PGM2L1: variants seen among roughly 807,000 people sequenced by gnomAD.
PGM2L1 encodes the protein phosphoglucomutase 2 like 1, also known as glucose 1,6-bisphosphate synthase.
Under a neutral mutation model 73.4 loss-of-function variants are expected in PGM2L1, and 35 were observed. The observed-to-expected ratio is 0.48, with a 90% CI of 0.36 to 0.63. PGM2L1 has a LOEUF of 0.63. PGM2L1 is among the 30% of genes least tolerant of loss of function. PGM2L1 has a pLI of 0.00. For synonymous variants in PGM2L1, 225 were observed against 253.8 expected (o/e 0.89, Z 1.08); for missense variants, 570 against 742.0 (o/e 0.77, Z 2.69).
Position 74,358,950 on chromosome 11 carries a change from A to G in PGM2L1, c.556-7374T>C, listed in dbSNP as rs141811926. Among the ~76,000 whole-genome samples, 912 of 152,320 alleles carry G rather than the reference A, an allele frequency of 6.0e-3. 11 individuals are homozygous for G. Among genetic ancestry groups the G allele is most frequent in the African/African-American group, 0.021 (862 of 41,570 alleles). On this transcript the variant is annotated intron_variant, in intron 5 of 13. Transcript: ENST00000298198. Reference sequence around the variant, plus strand: ...CCACCTCTAAAAATCTATCCTATAGATCAGCAGTGCCCAAAAGAAGTATGT... The same window carrying G: ...CCACCTCTAAAAATCTATCCTATAGGTCAGCAGTGCCCAAAAGAAGTATGT...
Position 74,370,977 on chromosome 11 carries a change from T to A in PGM2L1, c.396A>T (p.Lys132Asn), listed in dbSNP as rs1392956216. The A allele has an allele frequency of 6.2e-7, 1 of 1,612,782 alleles. No individual in the cohort carries two copies. The highest frequency in any genetic ancestry group is 1.1e-5 in the South Asian group (1 of 91,036). The change falls in exon 4 of 14, where the codon AAA becomes AAT. Residue 132 changes from lysine to asparagine, a missense_variant. Transcript: ENST00000298198. Reference sequence around the variant, plus strand: ...TGGCCAGCAAGACTGCAGCAGTGAGTTTAGCAAGCCTAAAAAAAGAGAGAT... The same window carrying A: ...TGGCCAGCAAGACTGCAGCAGTGAGATTAGCAAGCCTAAAAAAAGAGAGAT... ...TSSCSSQRLAKLTAAVLLAKD... is the reference protein window; with the variant it reads ...TSSCSSQRLANLTAAVLLAKD...
At chr11:74,374,699 C>G in intron 1 of PGM2L1, 117 bp from the exon 2 acceptor site, 2 of 842,072 alleles carry the variant, frequency 2.4e-6, no homozygotes, top group East Asian at 2.7e-5. Flanking sequence ...ATAAATTCCA[C>G]AGTGCTACTT....
At chr11:74,367,446 A>G (rs1862678360) in intron 5 of PGM2L1, among the ~76,000 whole-genome samples, 1 of 152,126 alleles carries the variant, frequency 6.6e-6, no homozygotes, top group South Asian at 2.1e-4. Context: ...GGTAGAGGAT[A>G]TGATATGGGC....
At chr11:74,372,492 A>G (rs748213308) in intron 2 of PGM2L1, among the ~76,000 whole-genome samples, 15 of 152,200 alleles carry the variant, frequency 9.9e-5, no homozygotes, top group Non-Finnish European at 1.6e-4. Context: ...ATTTAACTTT[A>G]ATAAATACTT....
At chr11:74,371,413 A>C (rs1409423618) in intron 3 of PGM2L1, among the ~76,000 whole-genome samples, 2 of 152,230 alleles carry the variant, frequency 1.3e-5, no homozygotes, top group Non-Finnish European at 2.9e-5. Flanking sequence ...TATAATGAGA[A>C]TATAAGCTAC....
intron 4 of PGM2L1, among the ~76,000 whole-genome samples, chr11:74,368,963 C>T (rs1177429328): frequency 6.6e-6 from 1 of 152,084 alleles, no homozygotes; most frequent in Non-Finnish European, 1.5e-5. Flanking sequence ...CCTTGCTTTG[C>T]TCAGTTCCTA....
At chr11:74,338,313 GA>G in intron 13 of PGM2L1, among the ~76,000 whole-genome samples, 154 bp downstream of exon 13, 1 of 152,150 alleles carries the variant, frequency 6.6e-6, no homozygotes. Flanking sequence ...TGGGGGTGAT[GA>G]AAATGTTCTA....
Position 74,343,348 on chromosome 11 carries a change from G to A in PGM2L1, c.1287C>T (p.Val429=), listed in dbSNP as rs547266086. 541 of 1,607,926 alleles carry A rather than the reference G, an allele frequency of 3.4e-4. 11 individuals carry two copies. In the South Asian group the frequency reaches 5.8e-3, roughly 17 times the overall value. ...CAATAGACTCTTCAAATGCAAAAAG[G>A]ACTTCTTTCCCATTTTCCAGGAGGT... is the stretch of plus-strand genomic sequence containing the variant. ...IIDLLENGKE[V]LFAFEESIGF... is the part of the protein sequence containing the mutation. The change falls in exon 10 of 14, where the codon GTC becomes GTT. Residue 429 remains valine (V), a synonymous_variant. Transcript: ENST00000298198.
At chr11:74,379,988 A>T (rs909043999) in intron 1 of PGM2L1, among the ~76,000 whole-genome samples, 1 of 152,130 alleles carries the variant, frequency 6.6e-6, no homozygotes, top group Non-Finnish European at 1.5e-5. Context: ...TACAAAATTG[A>T]CTCTTAAGAA....
chr11:74,360,285 G>GAA lies in PGM2L1; in HGVS notation c.555+8206_555+8207insTT, dbSNP rs397809713. Among the ~76,000 whole-genome samples, 1,074 of 150,292 alleles carry GAA rather than the reference G, an allele frequency of 7.1e-3. 7 individuals carry two copies. Among genetic ancestry groups the GAA allele is most frequent in the Middle Eastern group, 0.017 (5 of 292 alleles). On this transcript the variant is annotated intron_variant, in intron 5 of 13. Coordinates refer to ENST00000298198, the MANE Select transcript of PGM2L1 (RefSeq NM_173582.6). The stretch of plus-strand genomic sequence containing the variant: ...AGAAAGAGAAAGAGAAGGAAGGAAG[G>GAA]GAGGGAGGTAGGGAGGGAGGTAGGG...
intron 1 of PGM2L1, among the ~76,000 whole-genome samples, chr11:74,377,227 C>G (rs1262580652): frequency 6.6e-6 from 1 of 151,814 alleles, no homozygotes; most frequent in Non-Finnish European, 1.5e-5. Context: ...CTCCGCCTCC[C>G]GGGTTCACAC....
At chr11:74,351,277 T>C (rs1862348228) in intron 6 of PGM2L1, 106 bp downstream of exon 6, 1 of 1,090,638 alleles carries the variant, frequency 9.2e-7, no homozygotes, top group Non-Finnish European at 1.3e-6. Context: ...ACTATTTAGC[T>C]ATAATTTTAA....
In PGM2L1 at chr11:74,384,041, C is replaced by T. The variant is rs574670062; in HGVS notation, c.112-9459G>A. ...TTAGGAAATTTCATAGTAACTATCT[C>T]TTTCCTCTCCTTAAGAGATTCCAAT... On this transcript the variant is annotated intron_variant, in intron 1 of 13. Coordinates refer to ENST00000298198, the MANE Select transcript of PGM2L1 (RefSeq NM_173582.6). 5.3e-5 allele frequency among the ~76,000 whole-genome samples: 8 copies of T among 151,884 alleles called. No individual in the cohort carries two copies. In the East Asian group the frequency reaches 1.5e-3, roughly 29 times the overall value.
At chr11:74,343,519 T>C in intron 9 of PGM2L1, 103 bp from the exon 10 acceptor site, 4 of 1,479,044 alleles carry the variant, frequency 2.7e-6, no homozygotes, top group Non-Finnish European at 3.6e-6. Context: ...TAATGATCCT[T>C]ACTATAGTCT....
At chr11:74,355,027 G>C in intron 5 of PGM2L1, 5 of 1,305,708 alleles carry the variant, frequency 3.8e-6, no homozygotes, top group Non-Finnish European at 5.5e-6. Flanking sequence ...TCCAGCCAAA[G>C]AGGTCGAAGT....
At chr11:74,381,902 C>A (rs186929958) in intron 1 of PGM2L1, among the ~76,000 whole-genome samples, 1 of 151,002 alleles carries the variant, frequency 6.6e-6, no homozygotes, top group Admixed American at 6.6e-5. Flanking sequence ...ACCATTGCTT[C>A]CCCCCCACCC....
chr11:74,346,795 G>A lies in PGM2L1; in HGVS notation c.974C>T (p.Ala325Val), dbSNP rs140134370. Reference sequence around the variant, plus strand: ...AGGATCTGTGGCTAGCACTACCCGGGCATTTTCTTTCTCTGCCAGTCTCAA... The same window carrying A: ...AGGATCTGTGGCTAGCACTACCCGGACATTTTCTTTCTCTGCCAGTCTCAA... Reference protein sequence around the residue: ...LSLRLAEKENARVVLATDPDA... With the variant: ...LSLRLAEKENVRVVLATDPDA... The change falls in exon 8 of 14, where the codon GCC (alanine) becomes GTC (valine). Residue 325 changes from alanine (A) to valine (V), a missense_variant. Coordinates refer to ENST00000298198, the MANE Select transcript of PGM2L1 (RefSeq NM_173582.6). 3 of 1,613,888 alleles carry A rather than the reference G, an allele frequency of 1.9e-6. No homozygotes were observed. In the African/African-American group the frequency reaches 4.0e-5, roughly 22 times the overall value.
At chr11:74,355,565 A>G (rs1862434815) in intron 5 of PGM2L1, 1 of 337,124 alleles carries the variant, frequency 3.0e-6, no homozygotes, top group South Asian at 2.6e-5. Flanking sequence ...AAAAAAAAAA[A>G]AAAAAAAAAA....
At chr11:74,340,760 A>C (rs530161508) in intron 12 of PGM2L1, among the ~76,000 whole-genome samples, 37 of 152,184 alleles carry the variant, frequency 2.4e-4, no homozygotes, top group Non-Finnish European at 4.7e-4. Flanking sequence ...TAATAGGAGG[A>C]AGGCACACTA....
Sources: allele counts gnomAD v4.1 joint callset (sites outside exome capture counted in the v4.1 genomes callset), GRCh38; gene constraint gnomAD v4.1.1; transcripts MANE v1.5; gene names NCBI Gene and HGNC (gene_info 2026-07-23, HGNC 2026-07-21).